CNOT2: variants seen among roughly 807,000 people sequenced by gnomAD.
CNOT2 encodes the protein CCR4-NOT transcription complex subunit 2.
CNOT2 carries 7 observed loss-of-function variants against 72.1 expected under a neutral mutation model. That is an observed-to-expected ratio of 0.10 (90% confidence interval 0.06 to 0.18). The LOEUF is 0.18. Among genes scored for constraint, CNOT2 ranks in the 10% least tolerant of loss-of-function variants. CNOT2 has a pLI of 1.00. For synonymous variants in CNOT2, 196 were observed against 225.6 expected (o/e 0.87, Z 1.17); for missense variants, 345 against 660.3 (o/e 0.52, Z 5.23).
chr12:70,325,575 A>G (rs1045770145), intron 4 of CNOT2, among the ~76,000 whole-genome samples: 2 of 151,868 alleles, frequency 1.3e-5, no homozygotes, highest in Admixed American at 1.3e-4. Flanking sequence ...TCTGTAACCT[A>G]CTTGGATAAT....
At chr12:70,305,962 A>C (rs1433044917) in intron 2 of CNOT2, among the ~76,000 whole-genome samples, 7 of 145,608 alleles carry the variant, frequency 4.8e-5, no homozygotes, top group Non-Finnish European at 7.5e-5. Context: ...AATGTTGAGA[A>C]TGTCATGCCT....
At chr12:70,333,749 A>C (rs1049394447) in intron 7 of CNOT2, among the ~76,000 whole-genome samples, 1 of 152,002 alleles carries the variant, frequency 6.6e-6, no homozygotes, top group African/African-American at 2.4e-5. Context: ...ATCTTTGAAA[A>C]AAGATTCCAA....
rs74101487 is a variant in CNOT2 at position 70,294,150 on chromosome 12, G to A, written c.48+15876G>A. ...TGGAGTTGAACTTCAGAGCTATGGCGTCAACCCTGCTGTAATATCTCAGGG... is the reference window on the plus strand; with the variant it reads ...TGGAGTTGAACTTCAGAGCTATGGCATCAACCCTGCTGTAATATCTCAGGG... On this transcript the variant is annotated intron_variant, in intron 2 of 15. Transcript: ENST00000229195. 1.5e-3 allele frequency: 1,923 copies of A among 1,289,202 alleles called. 14 individuals are homozygous for A. The African/African-American group carries it at 0.023, about 16-fold the overall frequency. 79.9% of individuals were successfully genotyped at this position (1,289,202 alleles called of 1,614,324 possible).
intron 11 of CNOT2, among the ~76,000 whole-genome samples, chr12:70,340,734 C>T (rs999245557): frequency 1.3e-5 from 2 of 152,100 alleles, no homozygotes; most frequent in Non-Finnish European, 2.9e-5. Flanking sequence ...CTGAATACTC[C>T]ATTAGCCAGT....
chr12:70,338,430 T>G lies in CNOT2; in HGVS notation c.901-13T>G. 1.0e-5 allele frequency: 16 copies of G among 1,589,438 alleles called. No homozygotes were observed. Among genetic ancestry groups the G allele is most frequent in the African/African-American group, 1.4e-5 (1 of 73,386 alleles). On this transcript the variant is annotated splice_polypyrimidine_tract_variant and intron_variant, in intron 9 of 15. Coordinates refer to ENST00000229195, the MANE Select transcript of CNOT2 (RefSeq NM_014515.7). ...ACAAATTTTAATGTCACATTTAATT[T>G]TTTTCATGCTAGAATTTGAATACAT...
chr12:70,300,933 C>T (rs375994159), intron 2 of CNOT2, among the ~76,000 whole-genome samples: 1 of 152,172 alleles, frequency 6.6e-6, no homozygotes. Context: ...AGAGGTCCTT[C>T]ACATCCCTTG....
chr12:70,325,793 AG>A (rs1878984389), intron 4 of CNOT2, among the ~76,000 whole-genome samples: 1 of 151,812 alleles, frequency 6.6e-6, no homozygotes, highest in African/African-American at 2.4e-5. Flanking sequence ...CAAATGGAAA[AG>A]GGGACACTTT....
At chr12:70,303,168 C>G (rs1160832154) in intron 2 of CNOT2, among the ~76,000 whole-genome samples, 2 of 152,206 alleles carry the variant, frequency 1.3e-5, no homozygotes, top group African/African-American at 4.8e-5. Flanking sequence ...GACTCTTTAT[C>G]CAATTTGCCA....
At chr12:70,280,106 C>T (rs1172008961) in intron 2 of CNOT2, among the ~76,000 whole-genome samples, 1 of 152,104 alleles carries the variant, frequency 6.6e-6, no homozygotes, top group Non-Finnish European at 1.5e-5. Flanking sequence ...ACTAAAGTAA[C>T]ATTTATATTT....
intron 2 of CNOT2, among the ~76,000 whole-genome samples, chr12:70,292,957 C>T (rs1453119414): frequency 1.3e-5 from 2 of 152,212 alleles, no homozygotes; most frequent in Non-Finnish European, 2.9e-5. Context: ...TCTGATACCT[C>T]TGTATATTTT....
At chr12:70,264,286 T>A (rs1035042260) in intron 1 of CNOT2, among the ~76,000 whole-genome samples, 16 of 152,224 alleles carry the variant, frequency 1.1e-4, no homozygotes, top group African/African-American at 3.6e-4. Flanking sequence ...GTCTTAGAGC[T>A]ACCAGCTTCC....
chr12:70,344,604 A>G (rs1881929279), intron 14 of CNOT2: 1 of 169,874 alleles, frequency 5.9e-6, no homozygotes, highest in Admixed American at 6.1e-5. Flanking sequence ...ACACATCTAT[A>G]TAGTCCTAGC....
chr12:70,270,255 C>T (rs1271098807), intron 1 of CNOT2, among the ~76,000 whole-genome samples: 2 of 152,132 alleles, frequency 1.3e-5, no homozygotes. Flanking sequence ...CTATAAATGG[C>T]AAGCTGCTAT....
At chr12:70,244,647 G>T (rs1442541364) in intron 1 of CNOT2, among the ~76,000 whole-genome samples, 1 of 152,184 alleles carries the variant, frequency 6.6e-6, no homozygotes, top group Non-Finnish European at 1.5e-5. Flanking sequence ...GGAAGACTGA[G>T]TGCAACATAT....
At chr12:70,252,332 G>A (rs568532443) in intron 1 of CNOT2, among the ~76,000 whole-genome samples, 2 of 152,046 alleles carry the variant, frequency 1.3e-5, no homozygotes, top group African/African-American at 2.4e-5. Flanking sequence ...GACTACAGGC[G>A]CATGCCACCA....
intron 1 of CNOT2, chr12:70,244,136 G>C (rs1241730639): frequency 1.3e-5 from 2 of 152,490 alleles, no homozygotes; most frequent in African/African-American, 4.8e-5. Context: ...GCTGTGCATG[G>C]TGGAGGGAGA....
At chr12:70,331,020 C>A (rs1006289334) in intron 6 of CNOT2, 2 of 151,928 alleles carry the variant, frequency 1.3e-5, no homozygotes, top group African/African-American at 4.8e-5. Flanking sequence ...GTTGCATATA[C>A]TTTGCGAATA....
At chr12:70,324,538 T>G (rs1878782082) in intron 4 of CNOT2, among the ~76,000 whole-genome samples, 1 of 151,764 alleles carries the variant, frequency 6.6e-6, no homozygotes, top group African/African-American at 2.4e-5. Flanking sequence ...CTGCAAACCT[T>G]TGTGAATGAG....
Position 70,338,775 on chromosome 12 carries a change from A to G in CNOT2, c.1131A>G (p.Ala377=), listed in dbSNP as rs754530075. 1.2e-6 allele frequency: 2 copies of G among 1,613,622 alleles called. No homozygotes were observed. Among genetic ancestry groups the G allele is most frequent in the Admixed American group, 1.7e-5 (1 of 59,962 alleles). The stretch of plus-strand genomic sequence containing the variant: ...CAGACCCAGGAATGGTACATCTTGC[A>G]TTAGGAAGTGACTTAACAACATTAG... The part of the protein sequence containing the change: ...AETDPGMVHL[A]LGSDLTTLGL... The change falls in exon 11 of 16, where the codon GCA becomes GCG. Residue 377 remains alanine (A), a synonymous_variant. Transcript: ENST00000229195.
Sources: gnomAD v4.1 joint callset for allele counts (sites outside exome capture counted in the v4.1 genomes callset) on GRCh38, gnomAD v4.1.1 for gene constraint, MANE v1.5 for transcripts, NCBI Gene and HGNC (gene_info 2026-07-23, HGNC 2026-07-21) for gene names.